The following FLT4 variants were observed in gnomAD, a reference collection of about 807,000 sequenced individuals.
FLT4 encodes vascular endothelial growth factor receptor 3.
FLT4 carries 30 observed loss-of-function variants against 163.2 expected under a neutral mutation model. The observed-to-expected ratio is 0.18, with a 90% CI of 0.14 to 0.25. FLT4 has a LOEUF of 0.25. FLT4 is among the 10% of genes least tolerant of loss of function. The pLI, the probability that FLT4 is intolerant of heterozygous loss-of-function variation, is 1.00. For synonymous variants in FLT4, 884 were observed against 789.5 expected (o/e 1.12, Z -2.01); for missense variants, 1,510 against 1,863.8 (o/e 0.81, Z 3.50).
chr5:180,643,033 T>C (rs1166942879), intron 1 of FLT4, among the ~76,000 whole-genome samples: 1 of 152,192 alleles, frequency 6.6e-6, no homozygotes, highest in Admixed American at 6.5e-5. Flanking sequence ...CACATGACCG[T>C]TAAGATATTG....
intron 25 of FLT4, 135 bp from the exon 26 acceptor site, chr5:180,612,746 C>T (rs1561698868): frequency 1.4e-6 from 1 of 722,348 alleles, no homozygotes; most frequent in Middle Eastern, 2.9e-4. Flanking sequence ...TCCAGCTACC[C>T]TCGTTCCTCC....
upstream of FLT4, among the ~76,000 whole-genome samples, chr5:180,649,908 T>C (rs183083322): frequency 1.0e-2 from 1,513 of 152,048 alleles, 8 homozygotes; most frequent in Non-Finnish European, 0.015. Context: ...TTTCCATCGG[T>C]AAAATCTAGA....
At chr5:180,621,517 C>A in intron 13 of FLT4, 25 bp downstream of exon 13, 1 of 1,609,508 alleles carries the variant, frequency 6.2e-7, no homozygotes, top group South Asian at 1.1e-5. Context: ...GAGCGCGTCC[C>A]CGCCCTCCCC....
intron 23 of FLT4, 28 bp downstream of exon 23, chr5:180,616,339 T>C (rs1289796505): frequency 6.2e-7 from 1 of 1,613,434 alleles, no homozygotes; most frequent in South Asian, 1.1e-5. Context: ...CCGCCCCACG[T>C]TCCCTCTCCT....
At chr5:180,604,211 C>A (rs1034009270) in intron 29 of FLT4, among the ~76,000 whole-genome samples, 8 of 152,192 alleles carry the variant, frequency 5.3e-5, no homozygotes, top group African/African-American at 1.9e-4. Flanking sequence ...TGAAGAATGT[C>A]CAACTTCATC....
Position 180,618,903 on chromosome 5 carries a change from C to CGGA in FLT4, c.2867_2868insTCC (p.Gln956delinsHisPro). On this transcript the variant is annotated protein_altering_variant, in exon 21 of 30. Transcript: ENST00000261937. ...CCACCATGGCGCGGAAGCGTCCGCG[C>CGGA]TGCTCGGGAGACTTCTCCTGCGGAT... The CGGA allele has an allele frequency of 6.3e-7, 1 of 1,586,442 alleles. No individual in the cohort carries two copies. The highest frequency in any genetic ancestry group is 1.8e-5 in the Admixed American group (1 of 56,346).
In FLT4 at chr5:180,623,246, C is replaced by T. The variant is rs567505092; in HGVS notation, c.1549-407G>A. The stretch of plus-strand genomic sequence containing the variant: ...TGGATGGGGTCAGGCCCAATCCAGT[C>T]GCTGCTTGCTGAGATCCTCGTGAGA... On this transcript the variant is annotated intron_variant, in intron 11 of 29. Coordinates refer to ENST00000261937, the MANE Select transcript of FLT4 (RefSeq NM_182925.5). This position sits in a 1 kb window ranked among gnomAD's most constrained non-coding sequence, Gnocchi z 5.8. Among the ~76,000 whole-genome samples the T allele has an allele frequency of 1.1e-4, 16 of 152,240 alleles. No individual in the cohort carries two copies. The highest frequency in any genetic ancestry group is 1.9e-4 in the East Asian group (1 of 5,154).
intron 1 of FLT4, among the ~76,000 whole-genome samples, chr5:180,646,661 GT>G (rs1276640711): frequency 6.6e-6 from 1 of 152,162 alleles, no homozygotes; most frequent in Non-Finnish European, 1.5e-5. Context: ...GCATGTCTGT[GT>G]CCCTGCAAGG....
chr5:180,641,179 GC>G (rs1401189564), intron 1 of FLT4, among the ~76,000 whole-genome samples: 2 of 152,198 alleles, frequency 1.3e-5, no homozygotes, highest in Non-Finnish European at 2.9e-5. Context: ...GCAAACTGCT[GC>G]CCCCAGCTGA....
intron 1 of FLT4, among the ~76,000 whole-genome samples, chr5:180,642,012 T>G (rs4700967): frequency 0.011 from 1,708 of 152,086 alleles, 44 homozygotes; most frequent in Admixed American, 0.072. Flanking sequence ...ATTGAGACCA[T>G]CCTGGCCAAC....
chr5:180,630,579 C>T lies in FLT4; in HGVS notation c.376G>A (p.Ala126Thr), dbSNP rs760182219. ...IKARIEGTTA[A>T]SSYVFVRDFE... is the part of the protein sequence containing the mutation. ...CCTCTCACGAACACGTAGGAGCTGG[C>T]GGCCGTGGTGCCCTCGATGCGTGCC... Residue 126 changes from alanine (A) to threonine (T), a missense_variant, in exon 3 of 30, where the codon GCC becomes ACC. By Grantham distance (58) the Ala-to-Thr change is moderately conservative. Coordinates refer to ENST00000261937, the MANE Select transcript of FLT4 (RefSeq NM_182925.5). The surrounding 1 kb of genome is among the most constrained non-coding windows in gnomAD (Gnocchi z 6.3). 46 of 1,612,886 alleles carry T rather than the reference C, an allele frequency of 2.9e-5. 1 individual carries two copies. The highest frequency in any genetic ancestry group is 2.4e-4 in the South Asian group (22 of 91,092).
intron 28 of FLT4, chr5:180,609,349 G>C (rs1762000529): frequency 2.0e-6 from 1 of 503,630 alleles, no homozygotes; most frequent in Admixed American, 3.2e-5. Flanking sequence ...CAGGAGCCGT[G>C]GGAGAAGCAG....
At chr5:180,639,097 G>A (rs1033594989) in intron 1 of FLT4, among the ~76,000 whole-genome samples, 22 of 152,046 alleles carry the variant, frequency 1.4e-4, no homozygotes, top group African/African-American at 4.8e-4. Context: ...ATAGGTGGAC[G>A]CATGGATGGA....
Position 180,619,010 on chromosome 5 carries a change from C to T in FLT4, c.2850+11G>A, listed in dbSNP as rs1762901251. The T allele has an allele frequency of 1.3e-6, 2 of 1,547,430 alleles. No individual in the cohort carries two copies. The highest frequency in any genetic ancestry group is 1.4e-5 in the African/African-American group (1 of 72,824). ...CCGCCGCCCGCGGCGCCCCGCAGGC[C>T]GCCCGCTCACCGCGCAGGGGCTGAA... On this transcript the variant is annotated intron_variant, in intron 20 of 29. Coordinates refer to ENST00000261937, the MANE Select transcript of FLT4 (RefSeq NM_182925.5).
intron 29 of FLT4, among the ~76,000 whole-genome samples, chr5:180,603,772 C>G (rs887399798): frequency 6.6e-6 from 1 of 151,976 alleles, no homozygotes; most frequent in Non-Finnish European, 1.5e-5. Context: ...GGCGTGGTGG[C>G]GGGCGCCTGT....
rs534133158 is a variant in FLT4, at chr5:180,618,807, G to T, written c.2964C>A (p.Thr988=). Residue 988 remains threonine, a synonymous_variant, in exon 21 of 30, where the codon ACC becomes ACA. Coordinates refer to ENST00000261937, the MANE Select transcript of FLT4 (RefSeq NM_182925.5). ...GAGAAGCCCGCCTCGCTCCGCCCTC[G>T]GTCTTCGAGAACCGCGCGAAGAGGA... ...DRVLFARFSK[T]EGGARRASPD... is the part of the protein sequence containing the mutation. The T allele has an allele frequency of 1.3e-6, 2 of 1,586,980 alleles. No individual in the cohort carries two copies. Among genetic ancestry groups the T allele is most frequent in the African/African-American group, 2.7e-5 (2 of 74,404 alleles).
chr5:180,616,635 T>G, intron 22 of FLT4, 146 bp from the exon 23 acceptor site: 2 of 900,010 alleles, frequency 2.2e-6, no homozygotes, highest in Non-Finnish European at 3.5e-6. Context: ...TTCCCATCCA[T>G]CTCCAGGACT....
chr5:180,639,469 A>AGGATGGATGGACGGGC (rs1764939189), intron 1 of FLT4, among the ~76,000 whole-genome samples: 1 of 151,794 alleles, frequency 6.6e-6, no homozygotes, highest in South Asian at 2.1e-4. Context: ...ATTGAACAGA[A>AGGATGGATGGACGGGC]GGATGGATGG....
upstream of FLT4, among the ~76,000 whole-genome samples, chr5:180,650,101 T>G (rs1218788622): frequency 7.1e-6 from 1 of 139,948 alleles, no homozygotes; most frequent in Non-Finnish European, 1.5e-5. Flanking sequence ...GGCAGGAGAA[T>G]CGCTTGAACC....
Sources: gnomAD v4.1 joint callset for allele counts (sites outside exome capture counted in the v4.1 genomes callset) on GRCh38, gnomAD v4.1.1 for gene constraint, Gnocchi (gnomAD v3.1) non-coding constraint, MANE v1.5 for transcripts, NCBI Gene and HGNC (gene_info 2026-07-23, HGNC 2026-07-21) for gene names.